Variants in PLEKHG4B observed in about 807,000 individuals in gnomAD.
PLEKHG4B encodes pleckstrin homology and RhoGEF domain containing G4B, also known as pleckstrin homology domain-containing family G member 4B.
A neutral mutation model predicts 121.3 loss-of-function variants in PLEKHG4B; 111 were observed. The ratio of observed to expected loss-of-function variants is 0.92; its 90% CI spans 0.78 to 1.07. The LOEUF (loss-of-function observed/expected upper bound fraction) is 1.07. PLEKHG4B is among the 50% of genes least tolerant of loss of function. The pLI is 0.00. For missense variants in PLEKHG4B, 1,831 were observed against 1,757.8 expected, an observed-to-expected ratio of 1.04 and a Z score of -0.74; for synonymous variants, 738 against 725.0, an observed-to-expected ratio of 1.02 and a Z score of -0.29.
chr5:94,658 C>T (rs1288259955), intron 1 of PLEKHG4B, among the ~76,000 whole-genome samples: 1 of 151,826 alleles, frequency 6.6e-6, no homozygotes. Context: ...GCCTGGGAAT[C>T]TGGACTCTGG....
At chr5:142,686 G>C (rs566542624) in intron 3 of PLEKHG4B, among the ~76,000 whole-genome samples, 1 of 152,160 alleles carries the variant, frequency 6.6e-6, no homozygotes, top group South Asian at 2.1e-4. Context: ...ACACGTGCCA[G>C]AGTTACACAT....
intron 1 of PLEKHG4B, among the ~76,000 whole-genome samples, chr5:106,950 T>C (rs768847557): frequency 8.5e-5 from 13 of 152,242 alleles, no homozygotes; most frequent in Non-Finnish European, 8.8e-5. Flanking sequence ...TGTGCCCACA[T>C]GTGGAGACTC....
chr5:174,410 A>T (rs1736688519), intron 18 of PLEKHG4B, among the ~76,000 whole-genome samples: 1 of 120,496 alleles, frequency 8.3e-6, no homozygotes, highest in South Asian at 2.9e-4. Flanking sequence ...GGGACTGGAG[A>T]CTGAGTCCAG....
Position 140,387 on chromosome 5 carries a change from G to A in PLEKHG4B, c.1148G>A (p.Gly383Glu), listed in dbSNP as rs926213493. The A allele has an allele frequency of 2.6e-6, 4 of 1,552,148 alleles. No homozygotes were observed. The African/African-American group carries it at 5.5e-5, about 21-fold the overall frequency. ...LGDLACSSLT[G>E]ASRDLGTGAV... ...GACCTGGCCTGCAGCTCCCTGACTGGAGCCAGCAGGGACCTGGGGACTGGG... is the reference window on the plus strand; with the variant it reads ...GACCTGGCCTGCAGCTCCCTGACTGAAGCCAGCAGGGACCTGGGGACTGGG... Residue 383 changes from glycine (G) to glutamate (E), a missense_variant, in exon 3 of 20, where the codon GGA (glycine) becomes GAA (glutamate). By Grantham distance (98) the Gly-to-Glu change is moderately conservative. Coordinates refer to ENST00000637938, the MANE Select transcript of PLEKHG4B (RefSeq NM_052909.5).
chr5:163,773 G>A (rs1736136512), intron 13 of PLEKHG4B, among the ~76,000 whole-genome samples: 1 of 152,210 alleles, frequency 6.6e-6, no homozygotes, highest in Non-Finnish European at 1.5e-5. Flanking sequence ...ATGGTGTGTG[G>A]TAACCTGCAC....
chr5:114,416 A>G (rs1283068577), intron 2 of PLEKHG4B, among the ~76,000 whole-genome samples: 1 of 152,316 alleles, frequency 6.6e-6, no homozygotes, highest in South Asian at 2.1e-4. Context: ...TCATTTCAAC[A>G]GTGTTCACAG....
intron 7 of PLEKHG4B, among the ~76,000 whole-genome samples, chr5:153,899 C>G (rs1285209537): frequency 1.3e-5 from 2 of 152,194 alleles, no homozygotes; most frequent in African/African-American, 2.4e-5. Flanking sequence ...TCCTATTGCA[C>G]AGGCTGGTCT....
intron 18 of PLEKHG4B, among the ~76,000 whole-genome samples, chr5:180,656 G>A (rs1453904786): frequency 3.3e-5 from 5 of 152,190 alleles, no homozygotes; most frequent in African/African-American, 7.2e-5. Context: ...TAAGGTACAC[G>A]AGCAAACCCA....
intron 8 of PLEKHG4B, 92 bp downstream of exon 8, chr5:155,083 C>G: frequency 9.0e-7 from 1 of 1,110,870 alleles, no homozygotes; most frequent in Non-Finnish European, 1.4e-6. Context: ...AAGGGCATCA[C>G]CGTCCCTGAT....
chr5:95,085 C>A (rs577263955), intron 1 of PLEKHG4B, among the ~76,000 whole-genome samples: 79 of 152,326 alleles, frequency 5.2e-4, no homozygotes, highest in African/African-American at 1.8e-3. Context: ...GGCCCAGGTT[C>A]TCAAAGACAA....
rs1238197619 is a variant in PLEKHG4B at position 162,793 on chromosome 5, C to T, written c.2721C>T (p.Ser907=). 11 of 1,491,490 alleles carry T rather than the reference C, an allele frequency of 7.4e-6. No individual in the cohort carries two copies. The highest frequency in any genetic ancestry group is 9.8e-6 in the Non-Finnish European group (11 of 1,122,054). 92.4% of individuals were successfully genotyped at this position (1,491,490 alleles called of 1,614,324 possible). A position where few individuals can be genotyped will look rare whatever the true frequency, so the allele number is the denominator to read the frequency against. The change falls in exon 13 of 20, where the codon AGC becomes AGT. Residue 907 remains serine, a synonymous_variant. Transcript: ENST00000637938. Reference sequence around the variant, plus strand: ...CACCCGTGGCTGAGTGTTTGAGGAGCTGTCACCAGGAGGCTACCTCGGTGG... The same window carrying T: ...CACCCGTGGCTGAGTGTTTGAGGAGTTGTCACCAGGAGGCTACCTCGGTGG... ...PSSPVAECLR[S]CHQEATSVAA...
At chr5:97,933 G>A (rs962881887) in intron 1 of PLEKHG4B, among the ~76,000 whole-genome samples, 16 of 152,148 alleles carry the variant, frequency 1.1e-4, no homozygotes, top group East Asian at 3.9e-4. Flanking sequence ...CCCCACATCC[G>A]CACCAACACT....
At position 163,372 on chromosome 5, in the gene PLEKHG4B, G is replaced by C; in HGVS notation, c.3300G>C (p.Gln1100His). The change falls in exon 13 of 20, where the codon CAG becomes CAC. Residue 1100 changes from glutamine to histidine, a missense_variant. By Grantham distance (24) the Gln-to-His change is conservative. Coordinates refer to ENST00000637938, the MANE Select transcript of PLEKHG4B (RefSeq NM_052909.5). The part of the protein sequence containing the change: ...QPDSGPRDSC[Q>H]PDHTSVFSKG... ...ACAGTGGCCCCAGGGACTCCTGCCAGCCAGACCATACTAGTGTCTTCAGCA... is the reference window on the plus strand; with the variant it reads ...ACAGTGGCCCCAGGGACTCCTGCCACCCAGACCATACTAGTGTCTTCAGCA... 1.9e-6 allele frequency: 3 copies of C among 1,613,246 alleles called. No homozygotes were observed. Among genetic ancestry groups the C allele is most frequent in the Non-Finnish European group, 2.5e-6 (3 of 1,180,032 alleles).
In PLEKHG4B at chr5:162,744, T is replaced by C. The variant is rs1414604152; in HGVS notation, c.2672T>C (p.Leu891Pro). The part of the protein sequence containing the change: ...CETVSSWMGP[L>P]DPEACPSSPV... ...CAGGTGAGCAGCTGGATGGGGCCCCTGGACCCGGAGGCTTGTCCCTCCTCA... is the reference window on the plus strand; with the variant it reads ...CAGGTGAGCAGCTGGATGGGGCCCCCGGACCCGGAGGCTTGTCCCTCCTCA... Residue 891 changes from leucine to proline, a missense_variant, in exon 13 of 20, where the codon CTG becomes CCG. Coordinates refer to ENST00000637938, the MANE Select transcript of PLEKHG4B (RefSeq NM_052909.5). 6.8e-7 allele frequency: 1 copy of C among 1,459,866 alleles called. No homozygotes were observed. Among genetic ancestry groups the C allele is most frequent in the East Asian group, 2.5e-5 (1 of 40,552 alleles). The allele number at this position is 1,459,866 out of a possible 1,614,324, so 90.4% of individuals were successfully genotyped here. A position where few individuals can be genotyped will look rare whatever the true frequency, so the allele number is the denominator to read the frequency against.
At chr5:172,807 A>C in intron 16 of PLEKHG4B, 90 bp from the exon 17 acceptor site, 1 of 1,432,070 alleles carries the variant, frequency 7.0e-7, no homozygotes, top group Non-Finnish European at 9.8e-7. Flanking sequence ...TCTTGTCACG[A>C]AGCTAACACA....
At position 127,340 on chromosome 5, in the gene PLEKHG4B, TTTATTATTATTATTA is replaced by T. The variant is rs60825083; in HGVS notation, c.244-12117_244-12103del. ...TCATTGTTTCTGCTTATTGTTGGTTTTTATTATTATTATTATTATTATTATTATTATTATTATTAT... is the reference window on the plus strand; with the variant it reads ...TCATTGTTTCTGCTTATTGTTGGTTTTTATTATTATTATTATTATTATTAT... On this transcript the variant is annotated intron_variant, in intron 2 of 19. Transcript: ENST00000637938. Among the ~76,000 whole-genome samples, 56 of 135,562 alleles carry T rather than the reference TTTATTATTATTATTA, an allele frequency of 4.1e-4. No homozygotes were observed. The East Asian group carries it at 9.7e-3, about 23-fold the overall frequency. The allele number at this position is 135,562 out of a possible 152,430, so 88.9% of individuals were successfully genotyped here.
intron 6 of PLEKHG4B, among the ~76,000 whole-genome samples, chr5:146,870 A>T (rs888062015): frequency 6.7e-6 from 1 of 149,026 alleles, no homozygotes; most frequent in African/African-American, 2.5e-5. Flanking sequence ...CCTCACTGTC[A>T]GTCCCGCCTG....
chr5:175,111 TC>T (rs1338217096), intron 18 of PLEKHG4B, among the ~76,000 whole-genome samples: 1 of 151,766 alleles, frequency 6.6e-6, no homozygotes, highest in African/African-American at 2.4e-5. Context: ...CCCGAGAGAG[TC>T]CCCCGCAGGT....
chr5:117,469 A>C (rs1234432002), intron 2 of PLEKHG4B, among the ~76,000 whole-genome samples: 2 of 152,182 alleles, frequency 1.3e-5, no homozygotes, highest in Non-Finnish European at 2.9e-5. Context: ...GACATGCTTA[A>C]TCACTTATCA....
Sources: gnomAD v4.1 joint callset for allele counts (sites outside exome capture counted in the v4.1 genomes callset) on GRCh38, gnomAD v4.1.1 for gene constraint, MANE v1.5 for transcripts, NCBI Gene and HGNC (gene_info 2026-07-23, HGNC 2026-07-21) for gene names.